Variants in DMD observed in about 807,000 individuals in gnomAD.
DMD encodes the protein mutant dystrophin.
In DMD, 63 loss-of-function variants were observed where a neutral mutation model predicts 330.1. That is an observed-to-expected ratio of 0.19 (90% CI 0.16 to 0.24). DMD has a LOEUF of 0.24. DMD is among the 10% of genes least tolerant of loss of function. DMD has a pLI of 1.00. For synonymous variants in DMD, 1,223 were observed against 959.8 expected, an observed-to-expected ratio of 1.27 and a Z score of -5.07; for missense variants, 3,344 against 2,684.1, an observed-to-expected ratio of 1.25 and a Z score of -5.43.
intron 43 of DMD, among the ~76,000 whole-genome samples, chrX:32,229,934 C>A (rs1333099568): frequency 9.3e-6 from 1 of 107,367 alleles, no homozygotes; most frequent in Non-Finnish European, 1.9e-5. Context: ...TATAATAGAT[C>A]TCCAGAATTT....
chrX:32,473,635 T>C (rs893340332), intron 21 of DMD, among the ~76,000 whole-genome samples: 1 of 111,495 alleles, frequency 9.0e-6, no homozygotes, highest in Non-Finnish European at 1.9e-5. Context: ...GAGAGTGTGT[T>C]GGCAATGGAT....
intron 30 of DMD, among the ~76,000 whole-genome samples, chrX:32,400,982 C>T (rs1275007202): frequency 1.8e-5 from 2 of 110,710 alleles, no homozygotes; most frequent in Admixed American, 9.7e-5. Context: ...ACATATACAC[C>T]TTGGAATACT....
Position 31,679,535 on chromosome X carries a change from C to A in DMD, c.7712G>T (p.Arg2571Leu), listed in dbSNP as rs371588290. Reference protein sequence around the residue: ...WDEVQEHLQNRRQQLNEMLKD... With the variant: ...WDEVQEHLQNLRQQLNEMLKD... ...TAACATTTCATTCAACTGTTGCCTCCGGTTCTGAAGGTGTTCTTGTACTTC... is the reference window on the plus strand; with the variant it reads ...TAACATTTCATTCAACTGTTGCCTCAGGTTCTGAAGGTGTTCTTGTACTTC... Residue 2571 changes from arginine to leucine, a missense_variant, in exon 53 of 79, where the codon CGG (arginine) becomes CTG (leucine). By Grantham distance (102) the Arg-to-Leu change is moderately radical. Coordinates refer to ENST00000357033, the MANE Select transcript of DMD (RefSeq NM_004006.3). 4.1e-6 allele frequency: 5 copies of A among 1,209,982 alleles called. No individual in the cohort carries two copies. In the Admixed American group the frequency reaches 1.1e-4, roughly 26 times the overall value.
intron 2 of DMD, among the ~76,000 whole-genome samples, chrX:33,005,297 CAT>C (rs35055456): frequency 6.7e-5 from 7 of 104,052 alleles, no homozygotes; most frequent in Non-Finnish European, 1.4e-4. Context: ...CACACACACG[CAT>C]ATATATATAT....
At chrX:32,459,015 A>T (rs1380916129) in intron 25 of DMD, among the ~76,000 whole-genome samples, 7 of 111,038 alleles carry the variant, frequency 6.3e-5, no homozygotes, top group Non-Finnish European at 1.1e-4. Context: ...AGAGAGGGGA[A>T]AATGGCAAAA....
intron 43 of DMD, among the ~76,000 whole-genome samples, chrX:32,279,699 T>C (rs1364794349): frequency 9.3e-6 from 1 of 108,039 alleles, no homozygotes; most frequent in Non-Finnish European, 1.9e-5. Context: ...GAGGTTGAAA[T>C]GGTTACTTGG....
intron 41 of DMD, among the ~76,000 whole-genome samples, chrX:32,332,408 TAA>T (rs1257031367): frequency 9.6e-5 from 4 of 41,871 alleles, no homozygotes; most frequent in African/African-American, 5.2e-4. Flanking sequence ...AAAGCATGGA[TAA>T]AAAGTGTGTG....
chrX:32,758,644 C>T (rs981525912), intron 7 of DMD, among the ~76,000 whole-genome samples: 3 of 111,554 alleles, frequency 2.7e-5, no homozygotes, highest in East Asian at 2.8e-4. Context: ...TCTCAGACTT[C>T]GGAATCAAAC....
At chrX:31,569,973 C>T (rs5972411) in intron 55 of DMD, among the ~76,000 whole-genome samples, 2 of 110,914 alleles carry the variant, frequency 1.8e-5, no homozygotes, top group Non-Finnish European at 3.8e-5. Flanking sequence ...TTTATCTAAA[C>T]ATTTAAACAA....
At chrX:33,233,762 T>C (rs2148883897) in intron 1 of DMD, among the ~76,000 whole-genome samples, 1 of 111,626 alleles carries the variant, frequency 9.0e-6, no homozygotes, top group Admixed American at 9.5e-5. Flanking sequence ...TCTACATGTG[T>C]AAAAATTGCA....
chrX:32,000,657 T>G (rs1001085396), intron 44 of DMD, among the ~76,000 whole-genome samples: 1 of 111,848 alleles, frequency 8.9e-6, no homozygotes, highest in Non-Finnish European at 1.9e-5. Flanking sequence ...GCTTTAGCAC[T>G]TGGTTAAACT....
chrX:32,295,791 T>A (rs1293735368), intron 42 of DMD, among the ~76,000 whole-genome samples: 1 of 112,093 alleles, frequency 8.9e-6, no homozygotes, highest in African/African-American at 3.2e-5. Context: ...GATAGACTTC[T>A]ACTGTTTAGT....
At chrX:31,456,081 CT>C (rs2066137340) in intron 59 of DMD, among the ~76,000 whole-genome samples, 2 of 110,986 alleles carry the variant, frequency 1.8e-5, no homozygotes, top group African/African-American at 6.5e-5. Context: ...CTCTCTCTCT[CT>C]CCCTGCCTCC....
chrX:31,683,610 T>C (rs1381763591), intron 52 of DMD, among the ~76,000 whole-genome samples: 1 of 111,987 alleles, frequency 8.9e-6, no homozygotes, highest in African/African-American at 3.2e-5. Context: ...ATATGGCACA[T>C]AGACTGAGCC....
intron 7 of DMD, among the ~76,000 whole-genome samples, chrX:32,783,176 CACAT>C (rs1416403199): frequency 7.4e-5 from 7 of 94,020 alleles, no homozygotes; most frequent in Admixed American, 1.2e-4. Context: ...GGCATATACA[CACAT>C]ATATACCATA....
At chrX:33,335,948 AAGATAAC>A (rs1695019995) in intron 1 of DMD, among the ~76,000 whole-genome samples, 1 of 111,405 alleles carries the variant, frequency 9.0e-6, no homozygotes, top group South Asian at 3.7e-4. Context: ...TGCTATAATC[AAGATAAC>A]TAGCCATATT....
rs1233584432 is a variant in DMD, at chrX:32,459,087, T to C, written c.3433-4255A>G. Reference sequence around the variant, plus strand: ...ATGAATTAGCTCTGCAGATCTACTGTACAACATTGGGCCTATAGTTAAAAA... The same window carrying C: ...ATGAATTAGCTCTGCAGATCTACTGCACAACATTGGGCCTATAGTTAAAAA... On this transcript the variant is annotated intron_variant, in intron 25 of 78. Coordinates refer to ENST00000357033, the MANE Select transcript of DMD (RefSeq NM_004006.3). Among the ~76,000 whole-genome samples, 4 of 110,949 alleles carry C rather than the reference T, an allele frequency of 3.6e-5. 1 individual carries two copies. The highest frequency in any genetic ancestry group is 7.6e-4 in the South Asian group (2 of 2,649).
intron 2 of DMD, among the ~76,000 whole-genome samples, chrX:32,855,717 AG>A (rs2149050664): frequency 8.9e-6 from 1 of 112,291 alleles, no homozygotes. Context: ...AACTACTACA[AG>A]AAATCATTGG....
intron 44 of DMD, among the ~76,000 whole-genome samples, chrX:32,107,505 C>T (rs2096570280): frequency 9.2e-6 from 1 of 108,781 alleles, no homozygotes; most frequent in Non-Finnish European, 1.9e-5. Context: ...TAGTGTAGTT[C>T]CAATCGAAGT....
Sources: allele counts gnomAD v4.1 joint callset (sites outside exome capture counted in the v4.1 genomes callset), GRCh38; gene constraint gnomAD v4.1.1; transcripts MANE v1.5; gene names NCBI Gene and HGNC (gene_info 2026-07-23, HGNC 2026-07-21).